Variants in POLM observed in about 807,000 individuals in gnomAD.
The protein encoded by POLM is DNA-directed DNA/RNA polymerase mu.
In POLM, 52 loss-of-function variants were observed where a neutral mutation model predicts 56.7. The observed-to-expected ratio is 0.92, with a 90% CI of 0.73 to 1.15. POLM has a LOEUF of 1.15. Ranked by LOEUF, POLM falls within the 50% of genes most tolerant of loss-of-function variation. POLM has a pLI of 0.00. For missense variants in POLM, 660 were observed against 663.6 expected (o/e 0.99, Z 0.06); for synonymous variants, 273 against 274.3 (o/e 1.00, Z 0.05).
chr7:44,081,208 C>T (rs2096198843), intron 1 of POLM, among the ~76,000 whole-genome samples: 1 of 152,198 alleles, frequency 6.6e-6, no homozygotes, highest in African/African-American at 2.4e-5. Context: ...AGGGTCAGGA[C>T]CAGGTGGTCT....
intron 10 of POLM, 72 bp from the exon 11 acceptor site, chr7:44,073,449 TG>T: frequency 1.3e-6 from 2 of 1,587,612 alleles, no homozygotes; most frequent in African/African-American, 2.7e-5. Context: ...AGACTGAGGG[TG>T]GGGAAGAGCC....
rs28382658 is a variant in POLM at position 44,074,334 on chromosome 7, C to G, written c.968+64G>C. On this transcript the variant is annotated intron_variant, in intron 7 of 10. Coordinates refer to ENST00000242248, the MANE Select transcript of POLM (RefSeq NM_013284.4). Reference sequence around the variant, plus strand: ...AGTGGGCCCGCTTCAGGGTCCCCGACTCAGGTCCCTTCACTGGGGAGGGGT... The same window carrying G: ...AGTGGGCCCGCTTCAGGGTCCCCGAGTCAGGTCCCTTCACTGGGGAGGGGT... 1,307 of 1,546,974 alleles carry G rather than the reference C, an allele frequency of 8.4e-4. 23 individuals are homozygous for G. The Admixed American group carries it at 0.024, about 28-fold the overall frequency.
Position 44,074,532 on chromosome 7 carries a change from T to C in POLM, c.836-2A>G. The C allele has an allele frequency of 6.4e-7, 1 of 1,565,782 alleles. No individual in the cohort carries two copies. ...TCAGGTCCTGGTGGTGCTGGAGCCCTGGGGGCAACACCGGCCCTCCTGACT... is the reference window on the plus strand; with the variant it reads ...TCAGGTCCTGGTGGTGCTGGAGCCCCGGGGGCAACACCGGCCCTCCTGACT... On this transcript the variant is annotated splice_acceptor_variant, in intron 6 of 10. Coordinates refer to ENST00000242248, the MANE Select transcript of POLM (RefSeq NM_013284.4). LOFTEE classifies it high-confidence loss of function.
intron 6 of POLM, among the ~76,000 whole-genome samples, chr7:44,075,390 G>C (rs1355839808): frequency 6.6e-6 from 1 of 152,204 alleles, no homozygotes; most frequent in Admixed American, 6.5e-5. Flanking sequence ...GCAGCACCTG[G>C]CACAGTGAGC....
intron 6 of POLM, 35 bp downstream of exon 6, chr7:44,076,474 G>A: frequency 6.2e-7 from 1 of 1,613,128 alleles, no homozygotes; most frequent in South Asian, 1.1e-5. Flanking sequence ...TGCAGTTTAG[G>A]GAAGCCCAGG....
At chr7:44,075,377 A>G (rs1025875840) in intron 6 of POLM, among the ~76,000 whole-genome samples, 3 of 152,230 alleles carry the variant, frequency 2.0e-5, no homozygotes, top group African/African-American at 7.2e-5. Context: ...AATGTGAGGA[A>G]CAGCAGCACC....
At chr7:44,079,431 T>C (rs1263682124) in intron 4 of POLM, 140 bp downstream of exon 4, 3 of 726,330 alleles carry the variant, frequency 4.1e-6, no homozygotes, top group Admixed American at 2.6e-5. Context: ...GCGCAGAGGG[T>C]GGCTTGTTGA....
chr7:44,082,368 G>A lies in POLM; in HGVS notation c.71C>T (p.Ser24Leu), dbSNP rs1348247032. The change falls in exon 1 of 11, where the codon TCG becomes TTG. Residue 24 changes from serine (S) to leucine (L), a missense_variant. Physicochemically the swap from Ser to Leu is moderately radical, Grantham distance 145. Coordinates refer to ENST00000242248, the MANE Select transcript of POLM (RefSeq NM_013284.4). ...SGDAASSTPP[S>L]TRFPGVAIYL... is the part of the protein sequence containing the mutation. ...GATGGCGACTCCCGGGAAGCGCGTC[G>A]AGGGCGGCGTGGAGGAAGCGGCATC... The A allele has an allele frequency of 6.5e-7, 1 of 1,543,484 alleles. No homozygotes were observed. Among genetic ancestry groups the A allele is most frequent in the Non-Finnish European group, 8.7e-7 (1 of 1,153,594 alleles).
At chr7:44,081,725 G>A (rs2096200420) in intron 1 of POLM, among the ~76,000 whole-genome samples, 2 of 151,818 alleles carry the variant, frequency 1.3e-5, no homozygotes, top group African/African-American at 4.8e-5. Flanking sequence ...CCAGGCAGAA[G>A]GGCTGTTAGC....
intron 4 of POLM, 107 bp from the exon 5 acceptor site, chr7:44,078,918 T>C: frequency 2.5e-6 from 2 of 808,978 alleles, no homozygotes. Context: ...GGCAGTCCCC[T>C]CCAACACCCG....
In POLM at chr7:44,074,448, C is replaced by A; in HGVS notation, c.918G>T (p.Val306=). Residue 306 remains valine, a synonymous_variant, in exon 7 of 11, where the codon GTG becomes GTT. Coordinates refer to ENST00000242248, the MANE Select transcript of POLM (RefSeq NM_013284.4). ...DALQQVVEEA[V]GQALPGATVT... ...CGGTGGCCCCAGGCAGGGCCTGCCC[C>A]ACAGCTTCCTCCACCACCTGCTGCA... is the stretch of plus-strand genomic sequence containing the variant. 6.3e-7 allele frequency: 1 copy of A among 1,577,748 alleles called. No homozygotes were observed.
At position 44,082,370 on chromosome 7, in the gene POLM, G is replaced by T; in HGVS notation, c.69C>A (p.Pro23=). 1 of 1,542,368 alleles carries T rather than the reference G, an allele frequency of 6.5e-7. No homozygotes were observed. ...PSGDAASSTP[P]STRFPGVAIY... ...TGGCGACTCCCGGGAAGCGCGTCGA[G>T]GGCGGCGTGGAGGAAGCGGCATCGC... Residue 23 remains proline (P), a synonymous_variant, in exon 1 of 11, where the codon CCC becomes CCA. Coordinates refer to ENST00000242248, the MANE Select transcript of POLM (RefSeq NM_013284.4).
chr7:44,080,303 C>T, intron 2 of POLM: 1 of 543,270 alleles, frequency 1.8e-6, no homozygotes, highest in Non-Finnish European at 3.5e-6. Flanking sequence ...GCTTGCCCCA[C>T]AACCATGGCT....
chr7:44,081,768 C>CA (rs1225913672), intron 1 of POLM, among the ~76,000 whole-genome samples: 5 of 106,086 alleles, frequency 4.7e-5, no homozygotes, highest in Non-Finnish European at 7.6e-5. Flanking sequence ...TTTTTTGAGA[C>CA]AGAGTCTCAC....
chr7:44,082,179 G>T, intron 1 of POLM, 72 bp downstream of exon 1: 1 of 1,272,502 alleles, frequency 7.9e-7, no homozygotes, highest in Non-Finnish European at 1.0e-6. Context: ...AGACCACGAA[G>T]TGCCACTGCA....
At chr7:44,081,972 C>T (rs2096201364) in intron 1 of POLM, among the ~76,000 whole-genome samples, 1 of 152,134 alleles carries the variant, frequency 6.6e-6, no homozygotes. Context: ...GTCTCGATCT[C>T]CTGACCTCGT....
At chr7:44,076,864 C>T (rs2096185162) in intron 5 of POLM, 1 of 538,962 alleles carries the variant, frequency 1.9e-6, no homozygotes, top group East Asian at 3.1e-5. Flanking sequence ...ATGAAAGGGA[C>T]TTACACAGCT....
At chr7:44,075,306 T>C (rs1224300714) in intron 6 of POLM, among the ~76,000 whole-genome samples, 1 of 152,168 alleles carries the variant, frequency 6.6e-6, no homozygotes, top group Non-Finnish European at 1.5e-5. Flanking sequence ...CGCCTCGGCC[T>C]CTCAAAGTGC....
chr7:44,076,750 C>T lies in POLM; in HGVS notation c.715-121G>A, dbSNP rs565364749. On this transcript the variant is annotated intron_variant, in intron 5 of 10. Coordinates refer to ENST00000242248, the MANE Select transcript of POLM (RefSeq NM_013284.4). ...GCACCAGGCAGGCGCCGTCCCCACT[C>T]GCAACCTGCCGTAGACCACAGGGCA... is the stretch of plus-strand genomic sequence containing the variant. 2.6e-3 allele frequency: 3,200 copies of T among 1,240,906 alleles called. 8 individuals are homozygous for T. The highest frequency in any genetic ancestry group is 7.5e-3 in the Admixed American group (349 of 46,694). The allele number at this position is 1,240,906 out of a possible 1,614,324, so 76.9% of individuals were successfully genotyped here.
Sources: allele counts gnomAD v4.1 joint callset (sites outside exome capture counted in the v4.1 genomes callset), GRCh38; gene constraint gnomAD v4.1.1; transcripts MANE v1.5; gene names NCBI Gene and HGNC (gene_info 2026-07-23, HGNC 2026-07-21).